The following TLDC2 variants were observed in gnomAD, a reference collection of about 807,000 sequenced individuals.
TLDC2 encodes TLD domain-containing protein 2.
TLDC2 carries 23 observed loss-of-function variants against 27.9 expected under a neutral mutation model. That is an observed-to-expected ratio of 0.82 (90% CI 0.59 to 1.17). The LOEUF (loss-of-function observed/expected upper bound fraction) is 1.17. TLDC2 is among the 50% of genes most tolerant of loss of function. The probability of loss-of-function intolerance (pLI) is 0.00; values close to 1 mark genes in which losing one functional copy is unlikely to be tolerated. For missense variants in TLDC2, 286 were observed against 273.4 expected (o/e 1.05, Z -0.32); for synonymous variants, 124 against 107.4 (o/e 1.16, Z -0.96).
rs754545938 is a variant in TLDC2 at position 36,889,269 on chromosome 20, G to T, written c.531G>T (p.Trp177Cys). ...TCTCTAGTGGCCGGTTTGGGCTGTG[G>T]TTGGATGGAGACTTGTTCCGCGGGG... ...MGSGSGRFGL[W>C]LDGDLFRGGS... Residue 177 changes from tryptophan (W) to cysteine (C), a missense_variant, in exon 6 of 7, where the codon TGG becomes TGT. Trp to Cys is a radical substitution (Grantham distance 215). Transcript: ENST00000217320. The T allele has an allele frequency of 3.7e-6, 6 of 1,614,176 alleles. No homozygotes were observed. Among genetic ancestry groups the T allele is most frequent in the Non-Finnish European group, 5.1e-6 (6 of 1,180,020 alleles).
In TLDC2 at chr20:36,894,025, T is replaced by A. The variant is rs974108623; in HGVS notation, c.*1181T>A. ...GCAGTGACTATTCTGTGGTTCTAGCTTTTGCAGGTGGCCCCAGCTCCTGGA... is the reference window on the plus strand; with the variant it reads ...GCAGTGACTATTCTGTGGTTCTAGCATTTGCAGGTGGCCCCAGCTCCTGGA... On this transcript the variant is annotated 3_prime_UTR_variant, in exon 7 of 7. Transcript: ENST00000217320. 1.4e-4 allele frequency: 56 copies of A among 397,940 alleles called. No individual in the cohort carries two copies. The highest frequency in any genetic ancestry group is 1.1e-3 in the African/African-American group (53 of 48,586). 24.7% of individuals were successfully genotyped at this position (397,940 alleles called of 1,614,324 possible). A position where few individuals can be genotyped will look rare whatever the true frequency, so the allele number is the denominator to read the frequency against.
At position 36,879,152 on chromosome 20, in the gene TLDC2, A is replaced by C. The variant is rs772705424; in HGVS notation, c.301A>C (p.Ser101Arg). ...CCTGTACCGGCGGATGGAGGGCTGC[A>C]GCGGGCCAGTGCTGCTGGTGCTCAG... ...QSLYRRMEGCSGPVLLVLRDQ... is the reference protein window; with the variant it reads ...QSLYRRMEGCRGPVLLVLRDQ... Residue 101 changes from serine to arginine, a missense_variant, in exon 3 of 7, where the codon AGC becomes CGC. Coordinates refer to ENST00000217320, the MANE Select transcript of TLDC2 (RefSeq NM_080628.3). 1 of 1,614,018 alleles carries C rather than the reference A, an allele frequency of 6.2e-7. No homozygotes were observed. Among genetic ancestry groups the C allele is most frequent in the Non-Finnish European group, 8.5e-7 (1 of 1,180,014 alleles).
At chr20:36,882,670 C>A (rs1291131) in intron 4 of TLDC2, among the ~76,000 whole-genome samples, 15,636 of 152,190 alleles carry the variant, frequency 0.1, 991 homozygotes, top group Middle Eastern at 0.17. Context: ...AGGGAGTTCA[C>A]AAGGAGCTAT....
intron 3 of TLDC2, 37 bp downstream of exon 3, chr20:36,879,230 G>T: frequency 1.3e-6 from 2 of 1,591,416 alleles, no homozygotes; most frequent in Non-Finnish European, 1.7e-6. Flanking sequence ...GGCTCTGGGG[G>T]CACCCCACCA....
At chr20:36,886,520 G>A (rs576899714) in intron 4 of TLDC2, among the ~76,000 whole-genome samples, 1 of 152,314 alleles carries the variant, frequency 6.6e-6, no homozygotes, top group South Asian at 2.1e-4. Context: ...TTGAACTCAG[G>A]AGGCGGAGGT....
At chr20:36,887,246 G>A (rs1460307855) in intron 4 of TLDC2, among the ~76,000 whole-genome samples, 1 of 152,080 alleles carries the variant, frequency 6.6e-6, no homozygotes, top group African/African-American at 2.4e-5. Context: ...TAGGCTGTAG[G>A]AATTCAAACT....
At chr20:36,879,012 C>A (rs1989738415) in intron 2 of TLDC2, 29 bp from the exon 3 acceptor site, 6 of 1,614,072 alleles carry the variant, frequency 3.7e-6, no homozygotes, top group Non-Finnish European at 5.1e-6. Context: ...GAGGAGAACT[C>A]CTCCATTCAC....
rs145824117 is a variant in TLDC2 at position 36,881,346 on chromosome 20, T to C, written c.438+596T>C. ...GGTGAGCCATGATCGCACCACTGCA[T>C]TCCAGCCTGGGCAACAGAGGAAGAC... On this transcript the variant is annotated intron_variant, in intron 4 of 6. Coordinates refer to ENST00000217320, the MANE Select transcript of TLDC2 (RefSeq NM_080628.3). 4.7e-3 allele frequency among the ~76,000 whole-genome samples: 712 copies of C among 151,392 alleles called. 13 individuals carry two copies. The highest frequency in any genetic ancestry group is 0.027 in the East Asian group (140 of 5,158).
chr20:36,879,250 G>A (rs1802649761), intron 3 of TLDC2, 57 bp downstream of exon 3: 3 of 1,565,146 alleles, frequency 1.9e-6, no homozygotes, highest in African/African-American at 1.4e-5. Context: ...AGGTACTCAT[G>A]GGCCCTGTCC....
intron 2 of TLDC2, 58 bp from the exon 3 acceptor site, chr20:36,878,983 G>A (rs1011529425): frequency 1.4e-5 from 23 of 1,613,176 alleles, no homozygotes; most frequent in Admixed American, 1.3e-4. Context: ...CCCACCCCCA[G>A]GATATGGCAG....
At chr20:36,888,121 C>G (rs895817689) in intron 5 of TLDC2, among the ~76,000 whole-genome samples, 8 of 152,196 alleles carry the variant, frequency 5.3e-5, no homozygotes, top group Non-Finnish European at 1.2e-4. Context: ...GAATTCACTT[C>G]CTGGTTTCAG....
chr20:36,885,554 G>A (rs1989904526), intron 4 of TLDC2, among the ~76,000 whole-genome samples: 3 of 152,112 alleles, frequency 2.0e-5, no homozygotes, highest in Non-Finnish European at 4.4e-5. Flanking sequence ...CATGTCCTTC[G>A]AGAAAGTAGA....
chr20:36,892,868 A>G lies in TLDC2; in HGVS notation c.*24A>G, dbSNP rs763620244. 6.1e-5 allele frequency: 97 copies of G among 1,595,794 alleles called. No homozygotes were observed. The highest frequency in any genetic ancestry group is 7.1e-5 in the Non-Finnish European group (83 of 1,163,446). ...AGTTGTCATTAATTTGCAGAATTCTATGATTGAAGCCTCTAAATGAATTGT... is the reference window on the plus strand; with the variant it reads ...AGTTGTCATTAATTTGCAGAATTCTGTGATTGAAGCCTCTAAATGAATTGT... On this transcript the variant is annotated 3_prime_UTR_variant, in exon 7 of 7. Transcript: ENST00000217320.
At chr20:36,886,322 G>A (rs914417970) in intron 4 of TLDC2, among the ~76,000 whole-genome samples, 6 of 152,162 alleles carry the variant, frequency 3.9e-5, no homozygotes, top group Non-Finnish European at 7.3e-5. Context: ...AGGGCCGGGC[G>A]CAGTGGCTCG....
chr20:36,879,390 C>T (rs1189587341), intron 3 of TLDC2, among the ~76,000 whole-genome samples, 197 bp downstream of exon 3: 3 of 152,194 alleles, frequency 2.0e-5, no homozygotes, highest in South Asian at 2.1e-4. Context: ...CTACATGGGG[C>T]GCCTTCTGTG....
At chr20:36,877,593 A>AT (rs11483597) in intron 1 of TLDC2, among the ~76,000 whole-genome samples, 45,823 of 151,912 alleles carry the variant, frequency 0.3, 7,179 homozygotes, top group African/African-American at 0.35. Flanking sequence ...CCCACCCAGG[A>AT]CCATGGCAAA....
intron 3 of TLDC2, among the ~76,000 whole-genome samples, chr20:36,880,075 A>ATATATATATATATATGTG (rs1555828531): frequency 1.0e-4 from 4 of 39,990 alleles, no homozygotes; most frequent in African/African-American, 2.4e-4. Flanking sequence ...ATATACATAT[A>ATATATATATATATATGTG]TATATATATA....
At chr20:36,876,334 G>T in intron 1 of TLDC2, 127 bp downstream of exon 1, 1 of 1,279,976 alleles carries the variant, frequency 7.8e-7, no homozygotes, top group Non-Finnish European at 1.1e-6. Context: ...GTCCCTCCCT[G>T]GCAGGCCTGT....
intron 4 of TLDC2, among the ~76,000 whole-genome samples, chr20:36,881,154 G>T (rs1488324533): frequency 2.0e-5 from 3 of 152,262 alleles, no homozygotes; most frequent in East Asian, 1.9e-4. Flanking sequence ...CAACGAAGGT[G>T]GATTGCTTGA....
Sources: gnomAD v4.1 joint callset for allele counts (sites outside exome capture counted in the v4.1 genomes callset) on GRCh38, gnomAD v4.1.1 for gene constraint, MANE v1.5 for transcripts, NCBI Gene and HGNC (gene_info 2026-07-23, HGNC 2026-07-21) for gene names.